The following C1QTNF4 variants were observed in gnomAD, a reference collection of about 807,000 sequenced individuals.
The protein encoded by C1QTNF4 is complement C1q tumor necrosis factor-related protein 4.
Under a neutral mutation model 14.6 loss-of-function variants are expected in C1QTNF4, and 12 were observed. The observed-to-expected ratio is 0.82, with a 90% CI of 0.53 to 1.33. C1QTNF4 has a LOEUF of 1.33. C1QTNF4 is among the 40% of genes most tolerant of loss of function. The probability of loss-of-function intolerance (pLI) is 0.00; values close to 1 mark genes in which losing one functional copy is unlikely to be tolerated. For synonymous variants in C1QTNF4, 278 were observed against 246.6 expected (o/e 1.13, Z -1.19); for missense variants, 558 against 500.3 (o/e 1.12, Z -1.10).
rs202235667 is a variant in C1QTNF4 at position 47,590,698 on chromosome 11, G to A, written c.113C>T (p.Thr38Ile). The change falls in exon 2 of 2, where the codon ACC becomes ATC. Residue 38 changes from threonine (T) to isoleucine (I), a missense_variant. Transcript: ENST00000302514. The stretch of plus-strand genomic sequence containing the variant: ...CATCTCCGACGTGCCCTCCAGGGGG[G>A]TGGTGCGTGCCGCCGAGAAGGCCGA... ...LRSAFSAART[T>I]PLEGTSEMAV... 4 of 1,610,770 alleles carry A rather than the reference G, an allele frequency of 2.5e-6. No homozygotes were observed. Among genetic ancestry groups the A allele is most frequent in the Middle Eastern group, 1.7e-4 (1 of 6,056 alleles).
Position 47,589,855 on chromosome 11 carries a change from G to A in C1QTNF4, c.956C>T (p.Ala319Val). Reference sequence around the variant, plus strand: ...CTCCGAGGCCCCGAGGCCCGGCGGGGCGGCGGGGGCGAGGTCGGGGTACAC... The same window carrying A: ...CTCCGAGGCCCCGAGGCCCGGCGGGACGGCGGGGGCGAGGTCGGGGTACAC... ...FLVYPDLAPAAPPGLGASELL is the reference protein window; with the variant it reads ...FLVYPDLAPAVPPGLGASELL The change falls in exon 2 of 2, where the codon GCC becomes GTC. Residue 319 changes from alanine to valine, a missense_variant. Ala to Val is a moderately conservative substitution (Grantham distance 64). Coordinates refer to ENST00000302514, the MANE Select transcript of C1QTNF4 (RefSeq NM_031909.3). The A allele has an allele frequency of 1.3e-6, 2 of 1,549,026 alleles. No individual in the cohort carries two copies. Among genetic ancestry groups the A allele is most frequent in the Non-Finnish European group, 1.7e-6 (2 of 1,145,280 alleles).
rs1249637281 is a variant in C1QTNF4 at position 47,589,775 on chromosome 11, G to C, written c.*46C>G. 10 of 1,439,136 alleles carry C rather than the reference G, an allele frequency of 6.9e-6. No individual in the cohort carries two copies. The African/African-American group carries it at 1.5e-4, about 21-fold the overall frequency. 89.1% of individuals were successfully genotyped at this position (1,439,136 alleles called of 1,614,324 possible). A position where few individuals can be genotyped will look rare whatever the true frequency, so the allele number is the denominator to read the frequency against. ...GACTTTCGAGCCTCCGGCCCGGCCT[G>C]GCATGCACGCCCCTGGCCCTCCCGG... On this transcript the variant is annotated 3_prime_UTR_variant, in exon 2 of 2. Coordinates refer to ENST00000302514, the MANE Select transcript of C1QTNF4 (RefSeq NM_031909.3).
At position 47,589,937 on chromosome 11, in the gene C1QTNF4, C is replaced by T. The variant is rs1390578934; in HGVS notation, c.874G>A (p.Asp292Asn). The T allele has an allele frequency of 6.2e-7, 1 of 1,608,474 alleles. No homozygotes were observed. The highest frequency in any genetic ancestry group is 8.5e-7 in the Non-Finnish European group (1 of 1,177,370). Reference sequence around the variant, plus strand: ...TGGTTGCTGTAGGCGCCGTAGCCGTCGTGGTCGTGGCTGAGCAGCCAGACG... The same window carrying T: ...TGGTTGCTGTAGGCGCCGTAGCCGTTGTGGTCGTGGCTGAGCAGCCAGACG... The part of the protein sequence containing the change: ...DAVWLLSHDH[D>N]GYGAYSNHGK... The change falls in exon 2 of 2, where the codon GAC becomes AAC. Residue 292 changes from aspartate (D) to asparagine (N), a missense_variant. Coordinates refer to ENST00000302514, the MANE Select transcript of C1QTNF4 (RefSeq NM_031909.3).
chr11:47,591,338 A>G (rs1487694451), intron 1 of C1QTNF4, among the ~76,000 whole-genome samples: 2 of 150,954 alleles, frequency 1.3e-5, no homozygotes, highest in Non-Finnish European at 2.9e-5. Context: ...CAGCCTCCCA[A>G]AGTGCTGGGA....
rs1413700487 is a variant in C1QTNF4, at chr11:47,590,178, G to A, written c.633C>T (p.Gly211=). The A allele has an allele frequency of 8.1e-6, 13 of 1,595,306 alleles. No homozygotes were observed. The highest frequency in any genetic ancestry group is 1.0e-5 in the Non-Finnish European group (12 of 1,173,776). ...CGCCGGCCGCCGCGTCGAAGTCGCCGCCAATGTTGACGAACTCGGTGTCGA... is the reference window on the plus strand; with the variant it reads ...CGCCGGCCGCCGCGTCGAAGTCGCCACCAATGTTGACGAACTCGGTGTCGA... The part of the protein sequence containing the change: ...LAFDTEFVNI[G]GDFDAAAGVF... Residue 211 remains glycine, a synonymous_variant, in exon 2 of 2, where the codon GGC becomes GGT. Coordinates refer to ENST00000302514, the MANE Select transcript of C1QTNF4 (RefSeq NM_031909.3).
At position 47,590,034 on chromosome 11, in the gene C1QTNF4, GT is replaced by G. The variant is rs1241697681; in HGVS notation, c.776del (p.Tyr259SerfsTer16). On this transcript the variant is annotated frameshift_variant, in exon 2 of 2. Transcript: ENST00000302514. LOFTEE classifies it high-confidence loss of function. ...CGCGGCGCCGCGACGCGCCGTCGTC[GT>G]AAATCATGGCCTGCACCTCGTCGCG... ...KNRDEVQAMI[Y>X]DDGASRRREM... The G allele has an allele frequency of 6.2e-7, 1 of 1,612,218 alleles. No individual in the cohort carries two copies. Among genetic ancestry groups the G allele is most frequent in the Non-Finnish European group, 8.5e-7 (1 of 1,178,866 alleles).
At position 47,591,056 on chromosome 11, in the gene C1QTNF4, G is replaced by T. The variant is rs2097275368; in HGVS notation, c.-5-241C>A. 2.6e-5 allele frequency among the ~76,000 whole-genome samples: 4 copies of T among 152,126 alleles called. No individual in the cohort carries two copies. The South Asian group carries it at 8.3e-4, about 32-fold the overall frequency. On this transcript the variant is annotated intron_variant, in intron 1 of 1. Coordinates refer to ENST00000302514, the MANE Select transcript of C1QTNF4 (RefSeq NM_031909.3). ...GAGTTCATTCAGTAGGTCTGTGATG[G>T]GCCTGATAATTTGCATTTCTTTGTT... is the stretch of plus-strand genomic sequence containing the variant.
Position 47,590,015 on chromosome 11 carries a change from G to T in C1QTNF4, c.796C>A (p.Arg266Ser). Residue 266 changes from arginine to serine, a missense_variant, in exon 2 of 2, where the codon CGC becomes AGC. Arg to Ser is a moderately radical substitution (Grantham distance 110). Coordinates refer to ENST00000302514, the MANE Select transcript of C1QTNF4 (RefSeq NM_031909.3). ...AMIYDDGASR[R>S]REMQSQSVML... ...ACGCTCTGGCTCTGCATCTCGCGGC[G>T]CCGCGACGCGCCGTCGTCGTAAATC... 6.2e-7 allele frequency: 1 copy of T among 1,611,614 alleles called. No individual in the cohort carries two copies. The highest frequency in any genetic ancestry group is 8.5e-7 in the Non-Finnish European group (1 of 1,178,478).
At chr11:47,593,005 C>T (rs2097276348) in intron 1 of C1QTNF4, among the ~76,000 whole-genome samples, 1 of 152,210 alleles carries the variant, frequency 6.6e-6, no homozygotes, top group African/African-American at 2.4e-5. Flanking sequence ...AAGGGGCCAT[C>T]CACAGTGGTG....
In C1QTNF4 at chr11:47,589,807, C is replaced by G; in HGVS notation, c.*14G>C. Reference sequence around the variant, plus strand: ...ACGCCCCTGGCCCTCCCGGGCTCTTCTCTGGCCCGGGGCTCACAGTAGCTC... The same window carrying G: ...ACGCCCCTGGCCCTCCCGGGCTCTTGTCTGGCCCGGGGCTCACAGTAGCTC... On this transcript the variant is annotated 3_prime_UTR_variant, in exon 2 of 2. Transcript: ENST00000302514. 1.3e-6 allele frequency: 2 copies of G among 1,509,456 alleles called. No individual in the cohort carries two copies. Among genetic ancestry groups the G allele is most frequent in the Non-Finnish European group, 1.8e-6 (2 of 1,127,508 alleles). 93.5% of individuals were successfully genotyped at this position (1,509,456 alleles called of 1,614,324 possible). A position where few individuals can be genotyped will look rare whatever the true frequency, so the allele number is the denominator to read the frequency against.
chr11:47,595,149 C>A (rs2097277516), upstream of C1QTNF4, among the ~76,000 whole-genome samples: 1 of 152,196 alleles, frequency 6.6e-6, no homozygotes, highest in Non-Finnish European at 1.5e-5. Flanking sequence ...AGCGGTCTTC[C>A]CATGGTAATA....
chr11:47,589,896 GGTGATGTACTT>G lies in C1QTNF4; in HGVS notation c.904_914del (p.Lys302LeufsTer?). The G allele has an allele frequency of 6.3e-7, 1 of 1,577,446 alleles. No individual in the cohort carries two copies. Among genetic ancestry groups the G allele is most frequent in the Non-Finnish European group, 8.6e-7 (1 of 1,161,338 alleles). ...CGGGGTACACCAGGAAGCCGGAGAA[GGTGATGTACTT>G]GCCGTGGTTGCTGTAGGCGCCGTAG... On this transcript the variant is annotated frameshift_variant, in exon 2 of 2. Coordinates refer to ENST00000302514, the MANE Select transcript of C1QTNF4 (RefSeq NM_031909.3). LOFTEE classifies it low-confidence loss of function (END_TRUNC).
chr11:47,591,395 C>G (rs1254230675), intron 1 of C1QTNF4, among the ~76,000 whole-genome samples: 1 of 127,492 alleles, frequency 7.8e-6, no homozygotes, highest in East Asian at 2.5e-4. Context: ...CCGCCCCCCC[C>G]CCTTTTTTTT....
rs892683944 is a variant in C1QTNF4, at chr11:47,589,858, G to A, written c.953C>T (p.Ala318Val). The change falls in exon 2 of 2, where the codon GCC (alanine) becomes GTC (valine). Residue 318 changes from alanine to valine, a missense_variant. Transcript: ENST00000302514. ...CGAGGCCCCGAGGCCCGGCGGGGCG[G>A]CGGGGGCGAGGTCGGGGTACACCAG... ...GFLVYPDLAP[A>V]APPGLGASEL... 1 of 1,549,518 alleles carries A rather than the reference G, an allele frequency of 6.5e-7. No individual in the cohort carries two copies. Among genetic ancestry groups the A allele is most frequent in the African/African-American group, 1.4e-5 (1 of 72,954 alleles).
intron 1 of C1QTNF4, among the ~76,000 whole-genome samples, chr11:47,591,907 G>A (rs1241400087): frequency 1.3e-5 from 2 of 152,134 alleles, no homozygotes; most frequent in African/African-American, 4.8e-5. Context: ...TGCCACTCAC[G>A]CAGGCACTGG....
intron 1 of C1QTNF4, among the ~76,000 whole-genome samples, chr11:47,593,760 G>C (rs957934682): frequency 6.6e-6 from 1 of 151,834 alleles, no homozygotes; most frequent in Non-Finnish European, 1.5e-5. Flanking sequence ...CAGAGCCCCG[G>C]AGCCAAGGCG....
chr11:47,590,045 C>G lies in C1QTNF4; in HGVS notation c.766G>C (p.Ala256Pro). 6.2e-7 allele frequency: 1 copy of G among 1,612,780 alleles called. No homozygotes were observed. The highest frequency in any genetic ancestry group is 1.1e-5 in the South Asian group (1 of 91,074). Residue 256 changes from alanine (A) to proline (P), a missense_variant, in exon 2 of 2, where the codon GCC (alanine) becomes CCC (proline). Ala to Pro is a conservative substitution (Grantham distance 27). Coordinates refer to ENST00000302514, the MANE Select transcript of C1QTNF4 (RefSeq NM_031909.3). Reference protein sequence around the residue: ...KLMKNRDEVQAMIYDDGASRR... With the variant: ...KLMKNRDEVQPMIYDDGASRR... ...GACGCGCCGTCGTCGTAAATCATGGCCTGCACCTCGTCGCGGTTCTTCATC... is the reference window on the plus strand; with the variant it reads ...GACGCGCCGTCGTCGTAAATCATGGGCTGCACCTCGTCGCGGTTCTTCATC...
chr11:47,592,608 G>A (rs1024523368), intron 1 of C1QTNF4, among the ~76,000 whole-genome samples: 1 of 152,180 alleles, frequency 6.6e-6, no homozygotes, highest in African/African-American at 2.4e-5. Flanking sequence ...CTTCCTAGTA[G>A]GGCACGTGCT....
Position 47,590,531 on chromosome 11 carries a change from G to C in C1QTNF4, c.280C>G (p.Leu94Val). ...TGCACCTCGTCGCGGTTTCGCACCA[G>C]CATCACCGACAGGCTCTTGTGCGGG... ...KAPHKSLSVM[L>V]VRNRDEVQAL... The change falls in exon 2 of 2, where the codon CTG becomes GTG. Residue 94 changes from leucine to valine, a missense_variant. Leu to Val is a conservative substitution (Grantham distance 32). Transcript: ENST00000302514. 1.9e-6 allele frequency: 3 copies of C among 1,595,570 alleles called. No individual in the cohort carries two copies. The highest frequency in any genetic ancestry group is 2.6e-6 in the Non-Finnish European group (3 of 1,172,296).
Sources: allele counts gnomAD v4.1 joint callset (sites outside exome capture counted in the v4.1 genomes callset), GRCh38; gene constraint gnomAD v4.1.1; transcripts MANE v1.5; gene names NCBI Gene and HGNC (gene_info 2026-07-23, HGNC 2026-07-21).